Variants in DDX50 observed in about 807,000 individuals in gnomAD.
DDX50 encodes the protein DExD-box helicase 50, also known as ATP-dependent RNA helicase DDX50.
In DDX50, 56 loss-of-function variants were observed where a neutral mutation model predicts 94.8. That is an observed-to-expected ratio of 0.59 (90% CI 0.48 to 0.74). DDX50 has a LOEUF of 0.74. Ranked by LOEUF, DDX50 falls within the 30% of genes least tolerant of loss-of-function variation. The pLI is 0.00. For missense variants in DDX50, 713 were observed against 881.2 expected, an observed-to-expected ratio of 0.81 and a Z score of 2.42; for synonymous variants, 264 against 295.4, an observed-to-expected ratio of 0.89 and a Z score of 1.09.
At chr10:68,908,451 CA>C (rs71223162) in intron 2 of DDX50, among the ~76,000 whole-genome samples, 1,598 of 43,700 alleles carry the variant, frequency 0.037, 8 homozygotes, top group African/African-American at 0.094. Context: ...AACTCCATCT[CA>C]AAAAAAAAAA....
At chr10:68,930,100 C>T (rs1422446516) in intron 8 of DDX50, among the ~76,000 whole-genome samples, 3 of 129,942 alleles carry the variant, frequency 2.3e-5, no homozygotes, top group African/African-American at 7.6e-5. Context: ...TCCTTCCTTC[C>T]TTTCTTTCCT....
At chr10:68,935,826 C>T (rs2132056603) in intron 10 of DDX50, among the ~76,000 whole-genome samples, 180 bp from the exon 11 acceptor site, 1 of 152,210 alleles carries the variant, frequency 6.6e-6, no homozygotes, top group South Asian at 2.1e-4. Context: ...CAGAGCAAGA[C>T]TCTGTGTCAA....
rs376741769 is a variant in DDX50 at position 68,916,310 on chromosome 10, C to T, written c.1089+2106C>T. ...TGATAGTTGCGGTGAGCTGAGATTG[C>T]GCCACTGCACTCCAGCCTGGACAAC... On this transcript the variant is annotated intron_variant, in intron 7 of 14. Transcript: ENST00000373585. Among the ~76,000 whole-genome samples, 44 of 146,216 alleles carry T rather than the reference C, an allele frequency of 3.0e-4. No homozygotes were observed. The East Asian group carries it at 6.4e-3, about 21-fold the overall frequency.
At chr10:68,938,829 G>C (rs995544683) in intron 12 of DDX50, among the ~76,000 whole-genome samples, 3 of 152,032 alleles carry the variant, frequency 2.0e-5, no homozygotes, top group Admixed American at 1.3e-4. Flanking sequence ...GTTACATTTG[G>C]TATTATGTCT....
At chr10:68,938,020 TTAA>T (rs1842467419) in intron 12 of DDX50, among the ~76,000 whole-genome samples, 1 of 152,212 alleles carries the variant, frequency 6.6e-6, no homozygotes, top group Non-Finnish European at 1.5e-5. Context: ...TCTGTGAAAA[TTAA>T]TGATAGTTCT....
rs1842683257 is a variant in DDX50, at chr10:68,946,689, T to G, written c.*59T>G. 1 of 1,551,426 alleles carries G rather than the reference T, an allele frequency of 6.4e-7. No homozygotes were observed. Among genetic ancestry groups the G allele is most frequent in the Non-Finnish European group, 8.7e-7 (1 of 1,147,592 alleles). On this transcript the variant is annotated 3_prime_UTR_variant, in exon 15 of 15. Coordinates refer to ENST00000373585, the MANE Select transcript of DDX50 (RefSeq NM_024045.2). ...CCTATTTCTGCCTAATCATGTACAT[T>G]ATCCACCAAAAATTAGGTCATCATA...
In DDX50 at chr10:68,913,444, A is replaced by C; in HGVS notation, c.811A>C (p.Lys271Gln). ...CTTGGTTGGAACACCTGGTCGTATC[A>C]AAGACCATCTGCAGAGTGGCCGATT... The part of the protein sequence containing the change: ...DILVGTPGRI[K>Q]DHLQSGRLDL... Residue 271 changes from lysine (K) to glutamine (Q), a missense_variant, in exon 6 of 15, where the codon AAA (lysine) becomes CAA (glutamine). Lys to Gln is a moderately conservative substitution (Grantham distance 53). Transcript: ENST00000373585. 2 of 1,614,166 alleles carry C rather than the reference A, an allele frequency of 1.2e-6. No individual in the cohort carries two copies. Among genetic ancestry groups the C allele is most frequent in the Non-Finnish European group, 1.7e-6 (2 of 1,180,022 alleles).
intron 8 of DDX50, among the ~76,000 whole-genome samples, chr10:68,926,104 A>G (rs112329970): frequency 0.064 from 2,592 of 40,196 alleles, 315 homozygotes; most frequent in African/African-American, 0.21. Context: ...CCTGAGCCCA[A>G]GAGTTAGAGG....
intron 10 of DDX50, among the ~76,000 whole-genome samples, chr10:68,935,769 A>AG (rs1278286640): frequency 6.6e-6 from 1 of 152,178 alleles, no homozygotes; most frequent in East Asian, 1.9e-4. Flanking sequence ...CAGGAGGTGG[A>AG]GGTTGCAGTG....
At chr10:68,941,414 A>G (rs555539828) in intron 13 of DDX50, among the ~76,000 whole-genome samples, 3 of 152,074 alleles carry the variant, frequency 2.0e-5, no homozygotes, top group African/African-American at 7.2e-5. Flanking sequence ...CTAATACCCA[A>G]ATTATCTAAG....
At chr10:68,942,797 G>A (rs1242629010) in intron 13 of DDX50, among the ~76,000 whole-genome samples, 1 of 151,630 alleles carries the variant, frequency 6.6e-6, no homozygotes, top group Non-Finnish European at 1.5e-5. Flanking sequence ...CATTTTTTTT[G>A]TAGAGATGGA....
intron 3 of DDX50, 151 bp from the exon 4 acceptor site, chr10:68,910,917 A>G: frequency 4.0e-6 from 2 of 505,950 alleles, no homozygotes; most frequent in Non-Finnish European, 6.6e-6. Context: ...CTAATTTTTT[A>G]GTAATGCTTG....
At chr10:68,939,732 A>G (rs1842511770) in intron 12 of DDX50, among the ~76,000 whole-genome samples, 1 of 152,188 alleles carries the variant, frequency 6.6e-6, no homozygotes, top group Non-Finnish European at 1.5e-5. Context: ...TGATCACTCT[A>G]AAATAGCTTA....
rs747607588 is a variant in DDX50, at chr10:68,936,931, C to T, written c.1596-5C>T. On this transcript the variant is annotated splice_region_variant and splice_polypyrimidine_tract_variant and intron_variant, in intron 11 of 14. Coordinates refer to ENST00000373585, the MANE Select transcript of DDX50 (RefSeq NM_024045.2). ...TTGACCAAGAATACTATTTTTAAAC[C>T]ATAGGTCTCTGGCTTCCGTTTCTTA... The T allele has an allele frequency of 6.9e-5, 109 of 1,590,494 alleles. No homozygotes were observed. The highest frequency in any genetic ancestry group is 9.3e-5 in the Non-Finnish European group (108 of 1,166,662).
intron 8 of DDX50, among the ~76,000 whole-genome samples, chr10:68,929,341 T>C (rs1842184377): frequency 6.7e-6 from 1 of 150,078 alleles, no homozygotes; most frequent in Non-Finnish European, 1.5e-5. Context: ...CTTTCCTTCC[T>C]TCCTTCCTTC....
chr10:68,924,784 C>G (rs965483426), intron 8 of DDX50, among the ~76,000 whole-genome samples: 1 of 152,044 alleles, frequency 6.6e-6, no homozygotes, highest in African/African-American at 2.4e-5. Context: ...CTCTGTCCAG[C>G]AGTTTCTCCT....
chr10:68,934,783 C>A lies in DDX50; in HGVS notation c.1402-16C>A. The A allele has an allele frequency of 6.4e-7, 1 of 1,570,650 alleles. No individual in the cohort carries two copies. Among genetic ancestry groups the A allele is most frequent in the East Asian group, 2.3e-5 (1 of 43,330 alleles). ...TTGCTAGATTTTTAAAAAATATTACCTTTTATAATCTTTAGGATGTTGAGT... is the reference window on the plus strand; with the variant it reads ...TTGCTAGATTTTTAAAAAATATTACATTTTATAATCTTTAGGATGTTGAGT... On this transcript the variant is annotated splice_polypyrimidine_tract_variant and intron_variant, in intron 9 of 14. Coordinates refer to ENST00000373585, the MANE Select transcript of DDX50 (RefSeq NM_024045.2). The surrounding 1 kb of genome is among the most constrained non-coding windows in gnomAD (Gnocchi z 4.0).
At chr10:68,915,153 C>T (rs1841746934) in intron 7 of DDX50, among the ~76,000 whole-genome samples, 1 of 152,098 alleles carries the variant, frequency 6.6e-6, no homozygotes. Context: ...GTGGCTTACG[C>T]CTGTAATCCC....
chr10:68,916,081 C>T (rs902257195), intron 7 of DDX50, among the ~76,000 whole-genome samples: 7 of 152,020 alleles, frequency 4.6e-5, no homozygotes, highest in Admixed American at 6.6e-5. Flanking sequence ...GTGGGCCGGG[C>T]GTGGTAGCTC....
Sources: allele counts gnomAD v4.1 joint callset (sites outside exome capture counted in the v4.1 genomes callset), GRCh38; gene constraint gnomAD v4.1.1; non-coding constraint Gnocchi (gnomAD v3.1); transcripts MANE v1.5; gene names NCBI Gene and HGNC (gene_info 2026-07-23, HGNC 2026-07-21).